Variants in TRAM1 observed in about 807,000 individuals in gnomAD.
TRAM1 encodes translocation associated membrane protein 1.
TRAM1 carries 17 observed loss-of-function variants against 48.7 expected under a neutral mutation model. The ratio of observed to expected loss-of-function variants is 0.35; its 90% CI spans 0.24 to 0.52. The LOEUF is 0.52. Among genes scored for constraint, TRAM1 ranks in the 20% least tolerant of loss-of-function variants. The pLI is 0.94. For missense variants in TRAM1, 351 were observed against 441.5 expected (o/e 0.79, Z 1.84); for synonymous variants, 182 against 154.0 (o/e 1.18, Z -1.34).
At chr8:70,601,913 T>C (rs993765224) in intron 1 of TRAM1, among the ~76,000 whole-genome samples, 25 of 152,234 alleles carry the variant, frequency 1.6e-4, no homozygotes, top group African/African-American at 5.5e-4. Context: ...AGTCTCTTTC[T>C]ACAGATAATA....
At chr8:70,583,625 G>GA in intron 9 of TRAM1, 25 bp downstream of exon 9, 7 of 1,601,616 alleles carry the variant, frequency 4.4e-6, no homozygotes, top group Non-Finnish European at 5.9e-6. Flanking sequence ...TGTATAAAGT[G>GA]AAAAAAATGT....
At chr8:70,596,598 G>A (rs1019262306) in intron 4 of TRAM1, among the ~76,000 whole-genome samples, 2 of 151,912 alleles carry the variant, frequency 1.3e-5, no homozygotes, top group Non-Finnish European at 2.9e-5. Context: ...AAAAATACAC[G>A]TACACAAACA....
chr8:70,583,918 CAGG>C (rs972103878), intron 8 of TRAM1, 125 bp from the exon 9 acceptor site: 2 of 1,112,892 alleles, frequency 1.8e-6, no homozygotes, highest in Non-Finnish European at 2.4e-6. Flanking sequence ...GAGGCTGAGG[CAGG>C]AGAATTGCTT....
rs569958412 is a variant in TRAM1 at position 70,579,704 on chromosome 8, G to GTACA, written c.1051+3456_1051+3459dup. On this transcript the variant is annotated intron_variant, in intron 10 of 10. Transcript: ENST00000262213. The stretch of plus-strand genomic sequence containing the variant: ...TGGACAAAAACTCTTAGTAAATGAT[G>GTACA]TACAGAAGAGAACTGAATAAAGGGC... 1.1e-3 allele frequency among the ~76,000 whole-genome samples: 174 copies of GTACA among 152,254 alleles called. 1 individual carries two copies. The highest frequency in any genetic ancestry group is 3.9e-3 in the African/African-American group (161 of 41,564).
intron 6 of TRAM1, among the ~76,000 whole-genome samples, chr8:70,588,551 G>A (rs1817277308): frequency 6.6e-6 from 1 of 152,062 alleles, no homozygotes; most frequent in South Asian, 2.1e-4. Context: ...GATTGTGACT[G>A]CACTCCAGCC....
intron 10 of TRAM1, among the ~76,000 whole-genome samples, chr8:70,580,250 A>G (rs1250753170): frequency 1.3e-5 from 2 of 152,222 alleles, no homozygotes; most frequent in African/African-American, 4.8e-5. Flanking sequence ...ACGATGTTGC[A>G]AGAAAAATAT....
chr8:70,594,076 C>T (rs1586760545), intron 6 of TRAM1, among the ~76,000 whole-genome samples: 1 of 151,978 alleles, frequency 6.6e-6, no homozygotes, highest in South Asian at 2.1e-4. Flanking sequence ...ACTTTTTTTT[C>T]CAATACTGAA....
chr8:70,598,306 A>G, intron 2 of TRAM1, 51 bp from the exon 3 acceptor site: 1 of 1,542,094 alleles, frequency 6.5e-7, no homozygotes, highest in Non-Finnish European at 8.8e-7. Flanking sequence ...AAGGTTATAA[A>G]AACAGCATTA....
chr8:70,606,335 C>T (rs955576610), intron 1 of TRAM1, among the ~76,000 whole-genome samples: 1 of 152,070 alleles, frequency 6.6e-6, no homozygotes, highest in Non-Finnish European at 1.5e-5. Context: ...ACCACAGGTG[C>T]GTGCTATCTA....
At chr8:70,581,760 CA>C (rs1345284642) in intron 10 of TRAM1, among the ~76,000 whole-genome samples, 1 of 152,098 alleles carries the variant, frequency 6.6e-6, no homozygotes, top group Non-Finnish European at 1.5e-5. Context: ...TACATCCATC[CA>C]AAAGGTTCCA....
chr8:70,580,112 A>G (rs1817044276), intron 10 of TRAM1, among the ~76,000 whole-genome samples: 1 of 152,072 alleles, frequency 6.6e-6, no homozygotes, highest in Non-Finnish European at 1.5e-5. Flanking sequence ...TCCTTCAACA[A>G]CTCTTCCATT....
chr8:70,608,383 A>C lies in TRAM1; in HGVS notation c.-184T>G. 1.6e-6 allele frequency: 1 copy of C among 623,564 alleles called. No individual in the cohort carries two copies. Among genetic ancestry groups the C allele is most frequent in the Non-Finnish European group, 2.5e-6 (1 of 407,352 alleles). 38.6% of individuals were successfully genotyped at this position (623,564 alleles called of 1,614,324 possible). A position where few individuals can be genotyped will look rare whatever the true frequency, so the allele number is the denominator to read the frequency against. On this transcript the variant is annotated 5_prime_UTR_variant, in exon 1 of 11. Coordinates refer to ENST00000262213, the MANE Select transcript of TRAM1 (RefSeq NM_014294.6). ...CCGGGCCGCCCGGGGGAAAAAAAAA[A>C]ACACAACAGCTAGCCCGCAGCGGGG...
chr8:70,587,956 C>A (rs763612220), intron 6 of TRAM1, among the ~76,000 whole-genome samples: 10 of 152,128 alleles, frequency 6.6e-5, no homozygotes, highest in Non-Finnish European at 7.4e-5. Context: ...ATGGTTCATG[C>A]CTATAATCCC....
chr8:70,593,831 T>C (rs930341400), intron 6 of TRAM1, among the ~76,000 whole-genome samples: 2 of 151,880 alleles, frequency 1.3e-5, no homozygotes, highest in Non-Finnish European at 2.9e-5. Flanking sequence ...TTTAAAGTAA[T>C]AGGGAGCCAA....
rs1160944648 is a variant in TRAM1 at position 70,574,866 on chromosome 8, TA to T, written c.*65del. 3.5e-5 allele frequency: 39 copies of T among 1,119,106 alleles called. No homozygotes were observed. The highest frequency in any genetic ancestry group is 4.2e-5 in the Non-Finnish European group (32 of 755,240). The allele number at this position is 1,119,106 out of a possible 1,614,324, so 69.3% of individuals were successfully genotyped here. ...GTATTTTCAAGAACAGAAAAATCTC[TA>T]ATGCTGAAAGATATAGTAGAAAGCA... On this transcript the variant is annotated 3_prime_UTR_variant, in exon 11 of 11. Coordinates refer to ENST00000262213, the MANE Select transcript of TRAM1 (RefSeq NM_014294.6).
At chr8:70,602,636 G>A (rs268598) in intron 1 of TRAM1, among the ~76,000 whole-genome samples, 135,842 of 152,206 alleles carry the variant, frequency 0.89, 61,112 homozygotes, top group Middle Eastern at 0.96. Context: ...GACATGAATG[G>A]TGACTATTTA....
intron 1 of TRAM1, among the ~76,000 whole-genome samples, chr8:70,605,876 G>C (rs548128921): frequency 5.1e-4 from 77 of 152,288 alleles, no homozygotes; most frequent in Non-Finnish European, 9.4e-4. Context: ...TCACTAACAT[G>C]TGAGGCAAGG....
intron 1 of TRAM1, among the ~76,000 whole-genome samples, chr8:70,604,029 T>C (rs1452209777): frequency 2.0e-5 from 3 of 152,122 alleles, no homozygotes; most frequent in Non-Finnish European, 2.9e-5. Flanking sequence ...TAAGATAAGT[T>C]AGTTTAGAAT....
At chr8:70,590,625 A>G (rs941525154) in intron 6 of TRAM1, among the ~76,000 whole-genome samples, 1 of 152,234 alleles carries the variant, frequency 6.6e-6, no homozygotes, top group African/African-American at 2.4e-5. Flanking sequence ...CAGCCTCCTG[A>G]GTAACTGGGA....
Sources: allele counts gnomAD v4.1 joint callset (sites outside exome capture counted in the v4.1 genomes callset), GRCh38; gene constraint gnomAD v4.1.1; transcripts MANE v1.5; gene names NCBI Gene and HGNC (gene_info 2026-07-23, HGNC 2026-07-21).